Variants in AGPAT3 observed in about 807,000 individuals in gnomAD.
AGPAT3 encodes 1-acylglycerol-3-phosphate O-acyltransferase 3, also known as 1-acyl-sn-glycerol-3-phosphate acyltransferase gamma.
In AGPAT3, 5 loss-of-function variants were observed where a neutral mutation model predicts 47.3. That is an observed-to-expected ratio of 0.11 (90% confidence interval 0.06 to 0.22). The LOEUF (loss-of-function observed/expected upper bound fraction) is 0.22, where lower values mean the gene tolerates loss of function less well. Ranked by LOEUF, AGPAT3 falls within the 10% of genes least tolerant of loss-of-function variation. The pLI, the probability that AGPAT3 is intolerant of heterozygous loss-of-function variation, is 1.00. For missense variants in AGPAT3, 315 were observed against 493.0 expected, an observed-to-expected ratio of 0.64 and a Z score of 3.42; for synonymous variants, 212 against 208.3, an observed-to-expected ratio of 1.02 and a Z score of -0.15.
intron 3 of AGPAT3, chr21:43,966,973 C>G (rs1444319575): frequency 2.0e-5 from 3 of 152,244 alleles, no homozygotes; most frequent in Non-Finnish European, 4.4e-5. Context: ...AGGACTAACT[C>G]CCTCTGAGGC....
intron 2 of AGPAT3, among the ~76,000 whole-genome samples, chr21:43,956,078 G>A (rs1451126165): frequency 2.6e-5 from 4 of 152,146 alleles, no homozygotes; most frequent in Non-Finnish European, 2.9e-5. Flanking sequence ...GTGCCCCTGG[G>A]TGAGGACCAC....
intron 3 of AGPAT3, among the ~76,000 whole-genome samples, chr21:43,964,438 C>T (rs969263518): frequency 1.1e-4 from 17 of 151,838 alleles, no homozygotes; most frequent in African/African-American, 1.9e-4. Context: ...TCAGGTGATC[C>T]GCCCACCTCG....
At chr21:43,895,588 C>CTT (rs200857028) in intron 1 of AGPAT3, among the ~76,000 whole-genome samples, 1 of 135,654 alleles carries the variant, frequency 7.4e-6, no homozygotes, top group African/African-American at 2.9e-5. Flanking sequence ...CAATTGATCA[C>CTT]TTTTTAAAAA....
chr21:43,876,448 TC>T (rs2085735416), intron 1 of AGPAT3, among the ~76,000 whole-genome samples: 1 of 152,208 alleles, frequency 6.6e-6, no homozygotes, highest in African/African-American at 2.4e-5. Flanking sequence ...GAGCAAAGCC[TC>T]CCTGGAGAAG....
In AGPAT3 at chr21:43,897,632, G is replaced by A. The variant is rs905315493; in HGVS notation, c.-111-6325G>A. Among the ~76,000 whole-genome samples, 22 of 151,586 alleles carry A rather than the reference G, an allele frequency of 1.5e-4. No homozygotes were observed. In the East Asian group the frequency reaches 2.3e-3, roughly 16 times the overall value. On this transcript the variant is annotated intron_variant, in intron 1 of 9. Transcript: ENST00000291572. ...TCCTCACCTCCCAGAGGGGGCGGCCGGGCAGAGGCGCTCCTCACATCCCAG... is the reference window on the plus strand; with the variant it reads ...TCCTCACCTCCCAGAGGGGGCGGCCAGGCAGAGGCGCTCCTCACATCCCAG...
chr21:43,896,942 C>CTTTTTTTTTTTTTTTT (rs2086229304), intron 1 of AGPAT3, among the ~76,000 whole-genome samples: 1 of 93,132 alleles, frequency 1.1e-5, no homozygotes, highest in African/African-American at 4.3e-5. Flanking sequence ...TTTGACAGTC[C>CTTTTTTTTTTTTTTTT]GTTTTTTTTT....
chr21:43,984,693 TG>T lies in AGPAT3; in HGVS notation c.*2310del, dbSNP rs573954296. The stretch of plus-strand genomic sequence containing the variant: ...CATGAATGTTTGAATTTTTTTTTTT[TG>T]GGGGGGGGAGGGTGGATTTTGCTTT... On this transcript the variant is annotated 3_prime_UTR_variant, in exon 10 of 10. Transcript: ENST00000291572. 7.2e-4 allele frequency: 89 copies of T among 124,018 alleles called. No homozygotes were observed. Among genetic ancestry groups the T allele is most frequent in the Middle Eastern group, 6.9e-3 (4 of 576 alleles). 7.7% of individuals were successfully genotyped at this position (124,018 alleles called of 1,614,324 possible). A position where few individuals can be genotyped will look rare whatever the true frequency, so the allele number is the denominator to read the frequency against.
At chr21:43,967,801 C>T (rs999423840) in intron 3 of AGPAT3, 145 bp from the exon 4 acceptor site, 21 of 740,508 alleles carry the variant, frequency 2.8e-5, no homozygotes, top group East Asian at 8.4e-5. Flanking sequence ...TTTCATAAAA[C>T]GTACTCAGTG....
At chr21:43,926,094 C>G (rs1828726715) in intron 2 of AGPAT3, among the ~76,000 whole-genome samples, 1 of 152,248 alleles carries the variant, frequency 6.6e-6, no homozygotes, top group South Asian at 2.1e-4. Context: ...CCACTTTTCT[C>G]TGTGTTTTAC....
intron 2 of AGPAT3, among the ~76,000 whole-genome samples, chr21:43,926,789 G>A (rs565352129): frequency 2.2e-4 from 33 of 150,946 alleles, no homozygotes; most frequent in East Asian, 3.9e-4. Flanking sequence ...GCAAAACCCC[G>A]TCTCTACTAA....
chr21:43,883,421 TA>T (rs2085898155), intron 1 of AGPAT3, among the ~76,000 whole-genome samples: 1 of 152,138 alleles, frequency 6.6e-6, no homozygotes, highest in Non-Finnish European at 1.5e-5. Flanking sequence ...CTTGCATAAA[TA>T]AGATGGGGAA....
rs1414528508 is a variant in AGPAT3 at position 43,922,577 on chromosome 21, C to T, written c.-49+18558C>T. Reference sequence around the variant, plus strand: ...CTGCATGGCAGGGGGCACAGAGACTCTGGGCCTGGGTCCCCCCCGGCACAG... The same window carrying T: ...CTGCATGGCAGGGGGCACAGAGACTTTGGGCCTGGGTCCCCCCCGGCACAG... On this transcript the variant is annotated intron_variant, in intron 2 of 9. Transcript: ENST00000291572. This position sits in a 1 kb window ranked among gnomAD's most constrained non-coding sequence, Gnocchi z 4.9. Among the ~76,000 whole-genome samples, 1 of 152,306 alleles carries T rather than the reference C, an allele frequency of 6.6e-6. No individual in the cohort carries two copies.
rs1425138208 is a variant in AGPAT3, at chr21:43,908,111, A to C, written c.-49+4092A>C. ...GAAGACCTGAATGCTTCAGAGCCTA[A>C]ATTATGTGGGAAAAACGTGTGTGTG... On this transcript the variant is annotated intron_variant, in intron 2 of 9. Coordinates refer to ENST00000291572, the MANE Select transcript of AGPAT3 (RefSeq NM_020132.5). This position sits in a 1 kb window ranked among gnomAD's most constrained non-coding sequence, Gnocchi z 4.9. Among the ~76,000 whole-genome samples the C allele has an allele frequency of 6.6e-6, 1 of 152,150 alleles. No individual in the cohort carries two copies. The highest frequency in any genetic ancestry group is 2.4e-5 in the African/African-American group (1 of 41,418).
intron 2 of AGPAT3, among the ~76,000 whole-genome samples, chr21:43,957,522 T>TCCCCTCCACACGGGGGTCTCGGGTTTC (rs1569090055): frequency 1.8e-5 from 2 of 112,926 alleles, no homozygotes; most frequent in South Asian, 3.0e-4. Flanking sequence ...GTCTCGGGTT[T>TCCCCTCCACACGGGGGTCTCGGGTTTC]CCCCTCCACA....
intron 1 of AGPAT3, among the ~76,000 whole-genome samples, chr21:43,903,023 TG>T (rs564239075): frequency 3.5e-4 from 54 of 152,168 alleles, no homozygotes; most frequent in African/African-American, 1.1e-3. Context: ...AATTTGTAGC[TG>T]GGGGACACAA....
At chr21:43,966,054 A>C (rs955187964) in intron 3 of AGPAT3, 4 of 152,244 alleles carry the variant, frequency 2.6e-5, no homozygotes, top group African/African-American at 9.6e-5. Context: ...CCACCCTGCA[A>C]GACAGTTTAC....
rs542638315 is a variant in AGPAT3 at position 43,908,617 on chromosome 21, A to G, written c.-49+4598A>G. On this transcript the variant is annotated intron_variant, in intron 2 of 9. Coordinates refer to ENST00000291572, the MANE Select transcript of AGPAT3 (RefSeq NM_020132.5). The surrounding 1 kb of genome is among the most constrained non-coding windows in gnomAD (Gnocchi z 4.9). ...GCACTAGAAGGATGAGAAAGGACCT[A>G]TGGCCTCCAGCTCCGGGTTCAGGGC... Among the ~76,000 whole-genome samples, 1 of 152,308 alleles carries G rather than the reference A, an allele frequency of 6.6e-6. No individual in the cohort carries two copies. The highest frequency in any genetic ancestry group is 1.5e-5 in the Non-Finnish European group (1 of 68,022).
intron 2 of AGPAT3, among the ~76,000 whole-genome samples, chr21:43,935,998 G>C (rs1187656097): frequency 2.0e-5 from 3 of 152,200 alleles, no homozygotes; most frequent in Admixed American, 6.5e-5. Context: ...CCGCCCAGCT[G>C]TTCCTAAGCA....
intron 2 of AGPAT3, among the ~76,000 whole-genome samples, chr21:43,923,571 G>A (rs1449396493): frequency 6.6e-6 from 1 of 152,212 alleles, no homozygotes; most frequent in Non-Finnish European, 1.5e-5. Flanking sequence ...GCCAATCCCA[G>A]GTTGTGATCC....
Sources: allele counts gnomAD v4.1 joint callset (sites outside exome capture counted in the v4.1 genomes callset), GRCh38; gene constraint gnomAD v4.1.1; non-coding constraint Gnocchi (gnomAD v3.1); transcripts MANE v1.5; gene names NCBI Gene and HGNC (gene_info 2026-07-23, HGNC 2026-07-21).